DOCK4: variants seen among roughly 807,000 people sequenced by gnomAD.
DOCK4 encodes the protein dedicator of cytokinesis 4, also known as dedicator of cytokinesis protein 4.
A neutral mutation model predicts 268.1 loss-of-function variants in DOCK4; 97 were observed. The observed-to-expected ratio is 0.36, with a 90% CI of 0.31 to 0.43. The LOEUF (loss-of-function observed/expected upper bound fraction) is 0.43. DOCK4 is among the 20% of genes least tolerant of loss of function. The pLI is 1.00. For missense variants in DOCK4, 2,145 were observed against 2,455.7 expected (o/e 0.87, Z 2.67); for synonymous variants, 954 against 887.2 (o/e 1.08, Z -1.34).
chr7:112,078,125 A>C (rs2135704561), intron 1 of DOCK4, among the ~76,000 whole-genome samples: 1 of 152,296 alleles, frequency 6.6e-6, no homozygotes, highest in Non-Finnish European at 1.5e-5. Context: ...ACATAAATTC[A>C]TCAAATTTCT....
Position 111,984,359 on chromosome 7 carries a change from C to T in DOCK4, c.496G>A (p.Glu166Lys). Residue 166 changes from glutamate (E) to lysine (K), a missense_variant, in exon 7 of 53, where the codon GAG becomes AAG. Physicochemically the swap from Glu to Lys is moderately conservative, Grantham distance 56. Coordinates refer to ENST00000428084, the MANE Select transcript of DOCK4 (RefSeq NM_001363540.2). ...QLGLDLVPRK[E>K]YAMVDPEDIS... ...TCTTCCGGATCCACCATTGCGTACT[C>T]TTTCCTAGGCACCAGGTCCAGTCCC... is the stretch of plus-strand genomic sequence containing the variant. 6.2e-7 allele frequency: 1 copy of T among 1,613,380 alleles called. No individual in the cohort carries two copies. Among genetic ancestry groups the T allele is most frequent in the Non-Finnish European group, 8.5e-7 (1 of 1,179,640 alleles).
chr7:111,868,567 A>G (rs1039988210), intron 21 of DOCK4, among the ~76,000 whole-genome samples: 1 of 152,062 alleles, frequency 6.6e-6, no homozygotes, highest in Non-Finnish European at 1.5e-5. Flanking sequence ...AAAACTGGCC[A>G]GGCATGGTGG....
intron 5 of DOCK4, among the ~76,000 whole-genome samples, chr7:111,990,190 A>G (rs1799410692): frequency 6.6e-6 from 1 of 152,214 alleles, no homozygotes; most frequent in South Asian, 2.1e-4. Flanking sequence ...ATTAGCTGTT[A>G]TTAGTACTAG....
chr7:112,146,042 T>C (rs1376797531), intron 1 of DOCK4, among the ~76,000 whole-genome samples: 1 of 152,074 alleles, frequency 6.6e-6, no homozygotes, highest in Non-Finnish European at 1.5e-5. Context: ...AAGCCAGAAG[T>C]CCACATAACG....
At chr7:112,027,416 G>C (rs1634538) in intron 1 of DOCK4, among the ~76,000 whole-genome samples, 1 of 152,102 alleles carries the variant, frequency 6.6e-6, no homozygotes, top group Non-Finnish European at 1.5e-5. Flanking sequence ...GTAGAGACAG[G>C]GTTTCACCAT....
intron 43 of DOCK4, 81 bp downstream of exon 43, chr7:111,747,186 C>T (rs1050160100): frequency 5.0e-6 from 7 of 1,397,022 alleles, no homozygotes; most frequent in Non-Finnish European, 5.8e-6. Flanking sequence ...GATATGGGTA[C>T]ATAGTCTGAA....
intron 1 of DOCK4, among the ~76,000 whole-genome samples, chr7:112,202,054 G>C (rs1438191362): frequency 6.6e-6 from 1 of 152,118 alleles, no homozygotes; most frequent in Non-Finnish European, 1.5e-5. Context: ...ATTCCATTGT[G>C]TATAGATACT....
At chr7:111,844,645 A>G in intron 25 of DOCK4, 118 bp downstream of exon 25, 1 of 1,292,874 alleles carries the variant, frequency 7.7e-7, no homozygotes, top group Admixed American at 2.7e-5. Flanking sequence ...TGATTTTGAA[A>G]TGCTGATGGG....
intron 1 of DOCK4, among the ~76,000 whole-genome samples, chr7:112,142,984 A>G (rs1018856210): frequency 6.6e-6 from 1 of 152,126 alleles, no homozygotes; most frequent in Non-Finnish European, 1.5e-5. Flanking sequence ...TTTTATGAAT[A>G]AGTGTGAGGC....
At chr7:111,826,577 T>C (rs1291512544) in intron 26 of DOCK4, among the ~76,000 whole-genome samples, 2 of 152,184 alleles carry the variant, frequency 1.3e-5, no homozygotes, top group Non-Finnish European at 2.9e-5. Flanking sequence ...ATCATGTCCT[T>C]TGCTGCAGCA....
chr7:111,894,319 T>A (rs186623005), intron 16 of DOCK4, among the ~76,000 whole-genome samples: 1 of 152,350 alleles, frequency 6.6e-6, no homozygotes, highest in Admixed American at 6.5e-5. Context: ...GCTTGTAATC[T>A]CTTATTCATT....
intron 23 of DOCK4, among the ~76,000 whole-genome samples, chr7:111,847,411 C>G (rs1804194301): frequency 6.6e-6 from 1 of 151,870 alleles, no homozygotes; most frequent in Non-Finnish European, 1.5e-5. Flanking sequence ...CTTGCTGTTT[C>G]CTGAATTTTC....
At chr7:111,916,268 C>A (rs769055596) in intron 12 of DOCK4, among the ~76,000 whole-genome samples, 1 of 151,972 alleles carries the variant, frequency 6.6e-6, no homozygotes, top group Non-Finnish European at 1.5e-5. Context: ...ATACTGACAT[C>A]AAAATGGGAG....
chr7:112,063,446 G>A (rs2135609646), intron 1 of DOCK4, among the ~76,000 whole-genome samples: 1 of 152,206 alleles, frequency 6.6e-6, no homozygotes, highest in East Asian at 1.9e-4. Flanking sequence ...CCTTAAATGT[G>A]CTCAGAACAC....
chr7:111,788,484 A>G (rs984905743), intron 32 of DOCK4, 178 bp downstream of exon 32: 7 of 603,450 alleles, frequency 1.2e-5, no homozygotes, highest in African/African-American at 3.7e-5. Flanking sequence ...CATCAACATT[A>G]TAAGATCCAT....
chr7:112,099,175 C>T (rs1164293950), intron 1 of DOCK4, among the ~76,000 whole-genome samples: 1 of 151,810 alleles, frequency 6.6e-6, no homozygotes, highest in Non-Finnish European at 1.5e-5. Flanking sequence ...GCCTGTAGTC[C>T]CAACTACTTG....
chr7:112,056,225 G>A (rs1805803521), intron 1 of DOCK4, among the ~76,000 whole-genome samples: 2 of 152,076 alleles, frequency 1.3e-5, no homozygotes, highest in South Asian at 2.1e-4. Flanking sequence ...GATGTTATTT[G>A]GAAAAGGGGT....
intron 1 of DOCK4, among the ~76,000 whole-genome samples, chr7:112,138,790 G>A (rs35095542): frequency 0.036 from 5,515 of 152,094 alleles, 266 homozygotes; most frequent in Admixed American, 0.14. Context: ...GTGGGGCCCC[G>A]TTAATGAGAT....
intron 8 of DOCK4, among the ~76,000 whole-genome samples, chr7:111,973,156 C>CATATATATATATAT (rs144045255): frequency 0.032 from 3,635 of 113,530 alleles, 51 homozygotes; most frequent in Non-Finnish European, 0.037. Context: ...TATTCCATGG[C>CATATATATATATAT]ATATATATAT....
Sources: allele counts gnomAD v4.1 joint callset (sites outside exome capture counted in the v4.1 genomes callset), GRCh38; gene constraint gnomAD v4.1.1; transcripts MANE v1.5; gene names NCBI Gene and HGNC (gene_info 2026-07-23, HGNC 2026-07-21).